Variants in PDZD2 observed in about 807,000 individuals in gnomAD.
PDZD2 encodes the protein PDZ domain-containing protein 2.
In PDZD2, 90 loss-of-function variants were observed where a neutral mutation model predicts 220.7. The observed-to-expected ratio is 0.41, with a 90% CI of 0.34 to 0.49. The LOEUF is 0.49. Ranked by LOEUF, PDZD2 falls within the 20% of genes least tolerant of loss-of-function variation. The pLI, the probability that PDZD2 is intolerant of heterozygous loss-of-function variation, is 0.28. For synonymous variants in PDZD2, 1,375 were observed against 1,450.5 expected, an observed-to-expected ratio of 0.95 and a Z score of 1.18; for missense variants, 3,174 against 3,608.5, an observed-to-expected ratio of 0.88 and a Z score of 3.08.
At chr5:31,686,507 G>A (rs911768939) in intron 1 of PDZD2, among the ~76,000 whole-genome samples, 2 of 151,948 alleles carry the variant, frequency 1.3e-5, no homozygotes, top group Admixed American at 1.3e-4. Context: ...GGGATTACAG[G>A]CACCCACCAC....
intron 24 of PDZD2, among the ~76,000 whole-genome samples, chr5:32,106,986 TTTATTTCAA>T (rs1331388706): frequency 6.6e-6 from 1 of 152,232 alleles, no homozygotes; most frequent in Non-Finnish European, 1.5e-5. Flanking sequence ...TCACATAATA[TTTATTTCAA>T]TAATTTCAAT....
At position 32,091,044 on chromosome 5, in the gene PDZD2, C is replaced by T. The variant is rs777700858; in HGVS notation, c.7596C>T (p.Pro2532=). The change falls in exon 20 of 25, where the codon CCC becomes CCT. Residue 2532 remains proline (P), a synonymous_variant. Transcript: ENST00000438447. ...PGPPAGGVSC[P]EKGGNRACPG... ...CTCCTGCTGGAGGCGTTTCGTGTCC[C>T]GAGAAGGGCGGGAACAGGGCCTGTC... 2.5e-6 allele frequency: 4 copies of T among 1,613,780 alleles called. No homozygotes were observed. Among genetic ancestry groups the T allele is most frequent in the Admixed American group, 1.7e-5 (1 of 60,000 alleles).
At chr5:32,085,092 T>C (rs1742315861) in intron 19 of PDZD2, among the ~76,000 whole-genome samples, 1 of 151,528 alleles carries the variant, frequency 6.6e-6, no homozygotes. Context: ...GTAGCTGGGA[T>C]TACAGGTGCA....
At chr5:31,642,611 G>C (rs1177521241) in intron 1 of PDZD2, among the ~76,000 whole-genome samples, 2 of 152,196 alleles carry the variant, frequency 1.3e-5, no homozygotes, top group African/African-American at 4.8e-5. Flanking sequence ...ATTCATGAGA[G>C]TCCCTCCATT....
intron 1 of PDZD2, among the ~76,000 whole-genome samples, chr5:31,645,988 C>T (rs1412669892): frequency 4.6e-5 from 7 of 151,834 alleles, no homozygotes; most frequent in African/African-American, 1.7e-4. Flanking sequence ...TGGGAGGCCT[C>T]CGGGCATCCC....
chr5:31,847,683 T>A (rs574389824), intron 2 of PDZD2: 1 of 606,276 alleles, frequency 1.6e-6, no homozygotes, highest in Admixed American at 1.8e-5. Context: ...GCCAGCCCGG[T>A]GCCTTTACCT....
chr5:32,065,795 C>T (rs543664669), intron 14 of PDZD2, among the ~76,000 whole-genome samples: 1 of 152,082 alleles, frequency 6.6e-6, no homozygotes. Flanking sequence ...GAGGCCAAGG[C>T]GGGTGGATCG....
chr5:31,872,987 TATAA>T lies in PDZD2; in HGVS notation c.476+73268_476+73271del, dbSNP rs1333481326. Among the ~76,000 whole-genome samples the T allele has an allele frequency of 3.9e-5, 6 of 152,162 alleles. No homozygotes were observed. In the South Asian group the frequency reaches 6.2e-4, roughly 16 times the overall value. On this transcript the variant is annotated intron_variant, in intron 2 of 24. Coordinates refer to ENST00000438447, the MANE Select transcript of PDZD2 (RefSeq NM_178140.4). ...ATTTGGTTTTCCATATGAAAAAATA[TATAA>T]ATAATCTAGTTTTGTGTAAGTACAC...
intron 6 of PDZD2, among the ~76,000 whole-genome samples, chr5:32,023,062 G>A (rs1208862858): frequency 6.6e-6 from 1 of 152,234 alleles, no homozygotes; most frequent in African/African-American, 2.4e-5. Flanking sequence ...CAGGCAATGG[G>A]AGGTCACCTG....
In PDZD2 at chr5:32,045,695, A is replaced by G. The variant is rs375746411; in HGVS notation, c.1520-2844A>G. Among the ~76,000 whole-genome samples the G allele has an allele frequency of 3.3e-5, 5 of 151,724 alleles. No individual in the cohort carries two copies. In the East Asian group the frequency reaches 9.7e-4, roughly 29 times the overall value. On this transcript the variant is annotated intron_variant, in intron 7 of 24. Transcript: ENST00000438447. ...ACCTGCCTCAGCCTCCCAAAGTGCT[A>G]GGATTATAGGTGTGAGTCACCGCGC...
chr5:31,994,127 C>G (rs1191226208), intron 3 of PDZD2, among the ~76,000 whole-genome samples: 1 of 151,996 alleles, frequency 6.6e-6, no homozygotes, highest in South Asian at 2.1e-4. Flanking sequence ...AAGCGATTCT[C>G]CTGCCTCAGC....
At chr5:31,995,490 C>T (rs2111965259) in intron 3 of PDZD2, 86 bp from the exon 4 acceptor site, 7 of 1,362,890 alleles carry the variant, frequency 5.1e-6, no homozygotes, top group East Asian at 2.3e-5. Context: ...GATGGATATT[C>T]GGCCAGACGT....
intron 2 of PDZD2, among the ~76,000 whole-genome samples, chr5:31,941,503 G>T (rs564617521): frequency 6.6e-6 from 1 of 152,288 alleles, no homozygotes; most frequent in South Asian, 2.1e-4. Flanking sequence ...GATGCAGTTT[G>T]GATTTGTAAA....
intron 5 of PDZD2, among the ~76,000 whole-genome samples, chr5:32,008,836 G>A (rs1753058238): frequency 6.6e-6 from 1 of 152,200 alleles, no homozygotes; most frequent in Admixed American, 6.5e-5. Flanking sequence ...AGATGACCCA[G>A]GTGGGCTTTC....
chr5:31,647,283 C>T lies in PDZD2; in HGVS notation c.-361+7846C>T, dbSNP rs116538815. 3.1e-3 allele frequency among the ~76,000 whole-genome samples: 478 copies of T among 152,278 alleles called. 2 individuals carry two copies. The highest frequency in any genetic ancestry group is 0.011 in the African/African-American group (457 of 41,564). On this transcript the variant is annotated intron_variant, in intron 1 of 24. Transcript: ENST00000438447. ...GGCAGGCACTGTTCTAGACACTTGC[C>T]ACATACAGCTCATTCAGTTCTCATA...
chr5:32,042,847 A>G (rs1040981114), intron 7 of PDZD2, among the ~76,000 whole-genome samples: 3 of 152,156 alleles, frequency 2.0e-5, no homozygotes, highest in Non-Finnish European at 4.4e-5. Context: ...CCTGTTGTCC[A>G]TCTTGGCAGA....
Position 32,025,591 on chromosome 5 carries a change from C to CTTTTTTTTTTTTTT in PDZD2, c.1408-11625_1408-11612dup, listed in dbSNP as rs70957998. ...AGTGAGCCCAAATGTAACCATGATG[C>CTTTTTTTTTTTTTT]TTTTTTTTTTTTTTTTTTTTTTTTT... is the stretch of plus-strand genomic sequence containing the variant. On this transcript the variant is annotated intron_variant, in intron 6 of 24. Transcript: ENST00000438447. Among the ~76,000 whole-genome samples the CTTTTTTTTTTTTTT allele has an allele frequency of 1.1e-3, 71 of 67,520 alleles. 8 individuals are homozygous for CTTTTTTTTTTTTTT. The highest frequency in any genetic ancestry group is 3.7e-3 in the African/African-American group (56 of 15,244). The allele number at this position is 67,520 out of a possible 152,430, so 44.3% of individuals were successfully genotyped here.
intron 18 of PDZD2, 35 bp from the exon 19 acceptor site, chr5:32,077,427 T>A (rs750673889): frequency 6.2e-6 from 10 of 1,610,728 alleles, no homozygotes; most frequent in African/African-American, 1.3e-5. Flanking sequence ...AGCCTGAAAG[T>A]TATTTCAAGT....
chr5:31,678,391 A>G lies in PDZD2; in HGVS notation c.-361+38954A>G, dbSNP rs116884042. On this transcript the variant is annotated intron_variant, in intron 1 of 24. Coordinates refer to ENST00000438447, the MANE Select transcript of PDZD2 (RefSeq NM_178140.4). ...AGCAGCCGCTGAGGGGAATTCCCTG[A>G]GAGAGCTGGCACCTGAGAGCCTTGT... 5.3e-4 allele frequency among the ~76,000 whole-genome samples: 80 copies of G among 152,258 alleles called. 4 individuals are homozygous for G. In the East Asian group the frequency reaches 0.015, roughly 29 times the overall value.
Sources: gnomAD v4.1 joint callset for allele counts (sites outside exome capture counted in the v4.1 genomes callset) on GRCh38, gnomAD v4.1.1 for gene constraint, MANE v1.5 for transcripts, NCBI Gene and HGNC (gene_info 2026-07-23, HGNC 2026-07-21) for gene names.